Variants in RIMS2 observed in about 807,000 individuals in gnomAD.
RIMS2 encodes regulating synaptic membrane exocytosis 2, also known as regulating synaptic membrane exocytosis protein 2.
In RIMS2, 59 loss-of-function variants were observed where a neutral mutation model predicts 174.4. The observed-to-expected ratio is 0.34, with a 90% confidence interval of 0.27 to 0.42. The LOEUF is 0.42. RIMS2 is among the 10% of genes least tolerant of loss of function. The pLI is 1.00. For synonymous variants in RIMS2, 606 were observed against 572.5 expected, an observed-to-expected ratio of 1.06 and a Z score of -0.84; for missense variants, 1,620 against 1,666.3, an observed-to-expected ratio of 0.97 and a Z score of 0.48.
At chr8:103,744,250 T>C (rs1249728493) in intron 2 of RIMS2, among the ~76,000 whole-genome samples, 1 of 151,852 alleles carries the variant, frequency 6.6e-6, no homozygotes, top group Non-Finnish European at 1.5e-5. Context: ...GTCACCATGT[T>C]AGCCGGGATG....
At chr8:104,133,195 T>C (rs2098487098) in intron 19 of RIMS2, among the ~76,000 whole-genome samples, 1 of 152,204 alleles carries the variant, frequency 6.6e-6, no homozygotes, top group Non-Finnish European at 1.5e-5. Context: ...ACGTAACATG[T>C]GAAGCTGAGT....
In RIMS2 at chr8:104,143,018, A is replaced by G. The variant is rs545313889; in HGVS notation, c.3335-101898A>G. ...CAAAGAGAGGTTTTCATTTAACTTA[A>G]TTAGGGTTTCTTGACATTAGAGTTG... On this transcript the variant is annotated intron_variant, in intron 19 of 23. Transcript: ENST00000504942. Among the ~76,000 whole-genome samples the G allele has an allele frequency of 7.9e-4, 121 of 152,340 alleles. 1 individual carries two copies. In the South Asian group the frequency reaches 0.024, roughly 30 times the overall value.
At chr8:104,041,533 G>C (rs957345659) in intron 19 of RIMS2, among the ~76,000 whole-genome samples, 175 bp downstream of exon 22, 1 of 151,470 alleles carries the variant, frequency 6.6e-6, no homozygotes, top group Admixed American at 6.6e-5. Flanking sequence ...AACAGCAACT[G>C]CTCCAATTAG....
At chr8:103,536,666 G>A (rs972074151) in intron 1 of RIMS2, among the ~76,000 whole-genome samples, 10 of 152,054 alleles carry the variant, frequency 6.6e-5, no homozygotes, top group Non-Finnish European at 1.2e-4. Context: ...GGTGCTATAC[G>A]CTTTTAAATA....
chr8:103,873,145 C>T (rs2099120469), intron 3 of RIMS2, among the ~76,000 whole-genome samples: 1 of 152,108 alleles, frequency 6.6e-6, no homozygotes, highest in Non-Finnish European at 1.5e-5. Flanking sequence ...TTTCCTCCCT[C>T]ATGGATGGAG....
At chr8:103,927,530 T>A (rs539137718) in intron 10 of RIMS2, among the ~76,000 whole-genome samples, 185 of 151,694 alleles carry the variant, frequency 1.2e-3, no homozygotes, top group Non-Finnish European at 2.3e-3. Flanking sequence ...ATGCTTATAA[T>A]CATTCTTTCA....
At chr8:103,629,211 C>T (rs1475532246) in intron 1 of RIMS2, among the ~76,000 whole-genome samples, 1 of 152,168 alleles carries the variant, frequency 6.6e-6, no homozygotes, top group African/African-American at 2.4e-5. Flanking sequence ...CAATAATGAG[C>T]CAGAATACCA....
At chr8:103,942,774 T>C in exon 14 of RIMS2, 1 of 1,609,522 alleles carries the variant, frequency 6.2e-7, no homozygotes, top group Non-Finnish European at 8.5e-7. Flanking sequence ...GGTTTGTAGA[T>C]TTTAATTGAA....
At chr8:103,733,823 T>C (rs2097645203) in intron 2 of RIMS2, among the ~76,000 whole-genome samples, 1 of 152,132 alleles carries the variant, frequency 6.6e-6, no homozygotes, top group African/African-American at 2.4e-5. Flanking sequence ...TGATTTAAGA[T>C]GGTCTTTTCT....
intron 19 of RIMS2, among the ~76,000 whole-genome samples, chr8:104,169,755 G>A (rs1463561392): frequency 2.0e-5 from 3 of 151,840 alleles, no homozygotes; most frequent in Non-Finnish European, 4.4e-5. Flanking sequence ...AGTTCCTTGA[G>A]GTGTGACATT....
At chr8:104,060,023 A>C (rs1236221378) in intron 19 of RIMS2, among the ~76,000 whole-genome samples, 4 of 152,014 alleles carry the variant, frequency 2.6e-5, no homozygotes, top group Admixed American at 2.6e-4. Flanking sequence ...ATATTGGTCT[A>C]AAATTCTCTT....
At chr8:103,676,136 T>C (rs1454545159) in intron 1 of RIMS2, among the ~76,000 whole-genome samples, 1 of 152,170 alleles carries the variant, frequency 6.6e-6, no homozygotes, top group African/African-American at 2.4e-5. Flanking sequence ...GTTATGTAAA[T>C]TTAAAACAAT....
At chr8:104,170,577 T>C (rs193162179) in intron 19 of RIMS2, among the ~76,000 whole-genome samples, 180 of 152,208 alleles carry the variant, frequency 1.2e-3, no homozygotes, top group African/African-American at 4.1e-3. Context: ...TTCTTAAAGA[T>C]AGCAAGTATT....
At chr8:103,862,776 A>G (rs1416324361) in intron 3 of RIMS2, among the ~76,000 whole-genome samples, 3 of 151,860 alleles carry the variant, frequency 2.0e-5, no homozygotes, top group Admixed American at 1.3e-4. Context: ...GCTTGAGGTG[A>G]TAATTTGTGT....
intron 1 of RIMS2, among the ~76,000 whole-genome samples, chr8:103,678,384 G>C (rs1392960202): frequency 3.9e-5 from 6 of 152,112 alleles, no homozygotes. Context: ...TAATTAGAGA[G>C]GTAGAGATTA....
chr8:103,500,659 A>C, upstream of RIMS2: 3 of 463,232 alleles, frequency 6.5e-6, no homozygotes, highest in East Asian at 3.6e-5. Flanking sequence ...CGCCCCCGGG[A>C]AGAAGAAACA....
intron 3 of RIMS2, among the ~76,000 whole-genome samples, chr8:103,788,207 T>C (rs1192204581): frequency 1.3e-5 from 2 of 150,578 alleles, no homozygotes; most frequent in East Asian, 1.9e-4. Flanking sequence ...TTCTTTGCCT[T>C]TGGTTTGAAT....
intron 3 of RIMS2, among the ~76,000 whole-genome samples, chr8:103,809,122 G>T (rs1218582002): frequency 6.6e-6 from 1 of 151,914 alleles, no homozygotes; most frequent in Non-Finnish European, 1.5e-5. Flanking sequence ...GGCCTCTTGT[G>T]GTTCTTTGAT....
intron 19 of RIMS2, among the ~76,000 whole-genome samples, chr8:104,077,720 T>C (rs2097325871): frequency 6.9e-6 from 1 of 144,370 alleles, no homozygotes; most frequent in Non-Finnish European, 1.5e-5. Context: ...TAAGTGTATG[T>C]GTAAACACAG....
Sources: allele counts gnomAD v4.1 joint callset (sites outside exome capture counted in the v4.1 genomes callset), GRCh38; gene constraint gnomAD v4.1.1; transcripts MANE v1.5; gene names NCBI Gene and HGNC (gene_info 2026-07-23, HGNC 2026-07-21).